IL1RAPL1: variants seen among roughly 807,000 people sequenced by gnomAD.
IL1RAPL1 encodes the protein interleukin 1 receptor accessory protein like 1, also known as interleukin-1 receptor accessory protein-like 1.
Under a neutral mutation model 48.4 loss-of-function variants are expected in IL1RAPL1, and 3 were observed. The ratio of observed to expected loss-of-function variants is 0.06; its 90% confidence interval spans 0.03 to 0.16. The LOEUF (loss-of-function observed/expected upper bound fraction) is 0.16, where lower values mean the gene tolerates loss of function less well. Among genes scored for constraint, IL1RAPL1 ranks in the 10% least tolerant of loss-of-function variants. The pLI, the probability that IL1RAPL1 is intolerant of heterozygous loss-of-function variation, is 1.00. For synonymous variants in IL1RAPL1, 185 were observed against 187.7 expected, an observed-to-expected ratio of 0.99 and a Z score of 0.12; for missense variants, 349 against 530.6, an observed-to-expected ratio of 0.66 and a Z score of 3.36.
At chrX:29,877,277 CTT>C (rs1931926080) in intron 6 of IL1RAPL1, among the ~76,000 whole-genome samples, 1 of 111,200 alleles carries the variant, frequency 9.0e-6, no homozygotes, top group Admixed American at 9.6e-5. Flanking sequence ...GTGAATGACT[CTT>C]ATACCTGCCT....
chrX:29,229,983 G>T (rs954271149), intron 2 of IL1RAPL1, among the ~76,000 whole-genome samples: 3 of 112,022 alleles, frequency 2.7e-5, no homozygotes, highest in African/African-American at 6.5e-5. Flanking sequence ...GGCTGACGTG[G>T]CATTGAATAT....
rs1927512248 is a variant in IL1RAPL1 at position 29,069,243 on chromosome X, G to C, written c.83-213695G>C. Among the ~76,000 whole-genome samples the C allele has an allele frequency of 2.7e-5, 3 of 111,773 alleles. No individual in the cohort carries two copies. The South Asian group carries it at 1.1e-3, about 41-fold the overall frequency. On this transcript the variant is annotated intron_variant, in intron 2 of 10. Coordinates refer to ENST00000378993, the MANE Select transcript of IL1RAPL1 (RefSeq NM_014271.4). ...ATTGAAGTGCATAGTGAAATGTTTTGAAATGTTGTTAATAATGATATTATC... is the reference window on the plus strand; with the variant it reads ...ATTGAAGTGCATAGTGAAATGTTTTCAAATGTTGTTAATAATGATATTATC...
chrX:29,918,531 C>T (rs1226864228), intron 7 of IL1RAPL1, among the ~76,000 whole-genome samples: 1 of 105,317 alleles, frequency 9.5e-6, no homozygotes, highest in Admixed American at 1.0e-4. Flanking sequence ...AAAAAATTTT[C>T]ACAGGAAACA....
At chrX:29,124,456 G>A (rs747761747) in intron 2 of IL1RAPL1, among the ~76,000 whole-genome samples, 1 of 112,187 alleles carries the variant, frequency 8.9e-6, no homozygotes, top group East Asian at 2.8e-4. Flanking sequence ...TATCAACTTT[G>A]GTTTTTAAAT....
At chrX:29,577,985 A>C (rs1185265283) in intron 5 of IL1RAPL1, among the ~76,000 whole-genome samples, 3 of 111,954 alleles carry the variant, frequency 2.7e-5, no homozygotes, top group African/African-American at 9.7e-5. Flanking sequence ...CAAGCCAATT[A>C]AATCAGAATC....
intron 5 of IL1RAPL1, 62 bp from the exon 6 acceptor site, chrX:29,668,368 A>G: frequency 1.0e-6 from 1 of 987,040 alleles, no homozygotes; most frequent in Non-Finnish European, 1.4e-6. Flanking sequence ...ACTGTATTCT[A>G]TCTTTTAGTT....
chrX:29,406,802 A>C (rs1010196609), intron 5 of IL1RAPL1, among the ~76,000 whole-genome samples: 1 of 112,121 alleles, frequency 8.9e-6, no homozygotes, highest in Non-Finnish European at 1.9e-5. Context: ...GATTATGTTC[A>C]TTTTTAATAC....
intron 9 of IL1RAPL1, among the ~76,000 whole-genome samples, 157 bp downstream of exon 9, chrX:29,941,951 G>A: frequency 8.9e-6 from 1 of 112,132 alleles, no homozygotes; most frequent in Non-Finnish European, 1.9e-5. Context: ...GTAAGGAAAT[G>A]TGTGATGCTT....
chrX:29,877,665 G>A (rs1051610780), intron 6 of IL1RAPL1, among the ~76,000 whole-genome samples: 5 of 111,683 alleles, frequency 4.5e-5, no homozygotes, highest in African/African-American at 1.6e-4. Context: ...TCTTAGCTCA[G>A]GAACATGATC....
intron 2 of IL1RAPL1, among the ~76,000 whole-genome samples, chrX:28,929,324 A>G (rs1248575673): frequency 4.5e-5 from 5 of 111,989 alleles, no homozygotes; most frequent in East Asian, 2.8e-4. Flanking sequence ...TGCTACCACT[A>G]TCATATTATG....
chrX:28,965,168 T>C (rs1440810722), intron 2 of IL1RAPL1, among the ~76,000 whole-genome samples: 1 of 111,824 alleles, frequency 8.9e-6, no homozygotes, highest in Non-Finnish European at 1.9e-5. Flanking sequence ...ATACTACAGG[T>C]TGAAAAAGAA....
intron 1 of IL1RAPL1, among the ~76,000 whole-genome samples, chrX:28,734,316 A>G (rs760744714): frequency 2.1e-4 from 23 of 111,247 alleles, no homozygotes; most frequent in Non-Finnish European, 3.8e-4. Context: ...AGTGTTTACA[A>G]TGGCTTCCAT....
At chrX:29,057,434 T>C (rs1291934825) in intron 2 of IL1RAPL1, among the ~76,000 whole-genome samples, 1 of 109,597 alleles carries the variant, frequency 9.1e-6, no homozygotes, top group Non-Finnish European at 1.9e-5. Flanking sequence ...TTTTCTTTTT[T>C]TTTCTTTTTT....
chrX:28,635,188 C>T (rs1338848735), intron 1 of IL1RAPL1, among the ~76,000 whole-genome samples: 1 of 112,120 alleles, frequency 8.9e-6, no homozygotes, highest in Non-Finnish European at 1.9e-5. Flanking sequence ...AATGTGAGTA[C>T]TCTGGCTACT....
rs183466995 is a variant in IL1RAPL1, at chrX:28,795,385, C to A, written c.82+5960C>A. Among the ~76,000 whole-genome samples, 14 of 111,027 alleles carry A rather than the reference C, an allele frequency of 1.3e-4. No individual in the cohort carries two copies. In the East Asian group the frequency reaches 4.0e-3, roughly 31 times the overall value. On this transcript the variant is annotated intron_variant, in intron 2 of 10. Transcript: ENST00000378993. ...CTGTTATACCTATATTCTGTTATAC[C>A]TATGAATTTCCCCACAAACTTACCC...
intron 10 of IL1RAPL1, 114 bp from the exon 11 acceptor site, chrX:29,954,988 C>T: frequency 1.5e-6 from 1 of 664,131 alleles, no homozygotes; most frequent in Non-Finnish European, 2.5e-6. Context: ...GAAGCAAGTC[C>T]CAAACTCTAT....
At chrX:29,167,294 GCTTCCC>G (rs765194942) in intron 2 of IL1RAPL1, among the ~76,000 whole-genome samples, 153 of 108,702 alleles carry the variant, frequency 1.4e-3, no homozygotes, top group Middle Eastern at 4.6e-3. Flanking sequence ...TTCCCATTCC[GCTTCCC>G]CTTCCCCTTC....
At chrX:29,433,097 G>T (rs1475493903) in intron 5 of IL1RAPL1, among the ~76,000 whole-genome samples, 2 of 109,711 alleles carry the variant, frequency 1.8e-5, no homozygotes, top group African/African-American at 6.6e-5. Context: ...CTTTTGGGGT[G>T]CCATAAACCC....
At chrX:29,946,636 ATG>A (rs1437749513) in intron 9 of IL1RAPL1, among the ~76,000 whole-genome samples, 10 of 112,216 alleles carry the variant, frequency 8.9e-5, no homozygotes, top group Admixed American at 8.5e-4. Context: ...TCTGTTGTAT[ATG>A]TGTGTGTTTG....
Sources: gnomAD v4.1 joint callset for allele counts (sites outside exome capture counted in the v4.1 genomes callset) on GRCh38, gnomAD v4.1.1 for gene constraint, MANE v1.5 for transcripts, NCBI Gene and HGNC (gene_info 2026-07-23, HGNC 2026-07-21) for gene names.